APBB2: variants seen among roughly 807,000 people sequenced by gnomAD.
APBB2 encodes the protein amyloid beta precursor protein binding family B member 2.
APBB2 carries 38 observed loss-of-function variants against 82.5 expected under a neutral mutation model. The ratio of observed to expected loss-of-function variants is 0.46; its 90% confidence interval spans 0.36 to 0.60. The LOEUF is 0.60. Ranked by LOEUF, APBB2 falls within the 20% of genes least tolerant of loss-of-function variation. The pLI is 0.00. For synonymous variants in APBB2, 341 were observed against 368.2 expected (o/e 0.93, Z 0.85); for missense variants, 772 against 972.3 (o/e 0.79, Z 2.74).
chr4:40,920,194 GAGTA>G (rs1780892463), intron 10 of APBB2, among the ~76,000 whole-genome samples: 2 of 152,224 alleles, frequency 1.3e-5, no homozygotes, highest in South Asian at 2.1e-4. Context: ...TCATGATAGT[GAGTA>G]AGTTTCACGA....
At chr4:41,085,250 C>CAAA (rs71198629) in intron 3 of APBB2, among the ~76,000 whole-genome samples, 5 of 66,194 alleles carry the variant, frequency 7.6e-5, no homozygotes, top group Admixed American at 1.7e-4. Context: ...GACTCTGTCT[C>CAAA]AAAAAAAAAA....
intron 6 of APBB2, among the ~76,000 whole-genome samples, chr4:41,009,902 C>A (rs1400998060): frequency 1.3e-5 from 2 of 152,086 alleles, no homozygotes; most frequent in Non-Finnish European, 1.5e-5. Context: ...GTGAAACATA[C>A]AATGTTTAAT....
chr4:41,066,959 G>A (rs1213296320), intron 3 of APBB2, among the ~76,000 whole-genome samples: 1 of 152,186 alleles, frequency 6.6e-6, no homozygotes, highest in Non-Finnish European at 1.5e-5. Flanking sequence ...GATTAGGGCA[G>A]TAGAAGTAGG....
intron 5 of APBB2, among the ~76,000 whole-genome samples, chr4:41,020,901 A>G (rs1452183273): frequency 3.3e-5 from 5 of 152,140 alleles, no homozygotes; most frequent in Non-Finnish European, 5.9e-5. Context: ...TTGTTTTTAC[A>G]CTAACAGGTC....
intron 10 of APBB2, among the ~76,000 whole-genome samples, chr4:40,899,143 CTCAATG>C (rs1367099322): frequency 6.6e-6 from 1 of 152,224 alleles, no homozygotes; most frequent in African/African-American, 2.4e-5. Flanking sequence ...CTGTCTGTGT[CTCAATG>C]TCCTCGTTAT....
At chr4:41,005,370 G>C (rs1272291521) in intron 6 of APBB2, among the ~76,000 whole-genome samples, 1 of 152,128 alleles carries the variant, frequency 6.6e-6, no homozygotes, top group Non-Finnish European at 1.5e-5. Flanking sequence ...TTACAGGCAT[G>C]AGCCACAGCG....
chr4:40,999,894 G>C (rs1215601149), intron 6 of APBB2, among the ~76,000 whole-genome samples: 1 of 151,708 alleles, frequency 6.6e-6, no homozygotes, highest in Non-Finnish European at 1.5e-5. Context: ...ACTTATTTCT[G>C]GGGCTTAACA....
At chr4:41,048,711 C>T (rs1038442328) in intron 4 of APBB2, among the ~76,000 whole-genome samples, 9 of 151,046 alleles carry the variant, frequency 6.0e-5, no homozygotes, top group African/African-American at 1.7e-4. Flanking sequence ...CACGGTCTCC[C>T]TCTGATGCCG....
At chr4:40,971,294 C>A (rs971836228) in intron 6 of APBB2, among the ~76,000 whole-genome samples, 1 of 152,172 alleles carries the variant, frequency 6.6e-6, no homozygotes, top group Admixed American at 6.5e-5. Context: ...AACCTGAATT[C>A]TCTTATCTTT....
intron 4 of APBB2, among the ~76,000 whole-genome samples, chr4:41,060,746 C>T (rs1209842207): frequency 6.6e-6 from 1 of 152,124 alleles, no homozygotes; most frequent in Non-Finnish European, 1.5e-5. Context: ...CTCTGCTGCA[C>T]CCCATGGCAA....
At position 40,812,607 on chromosome 4, in the gene APBB2, A is replaced by ATGT. The variant is rs1424439587; in HGVS notation, c.*3482_*3484dup. 1 of 87,210 alleles carries ATGT rather than the reference A, an allele frequency of 1.1e-5. No individual in the cohort carries two copies. Among genetic ancestry groups the ATGT allele is most frequent in the Non-Finnish European group, 2.4e-5 (1 of 42,070 alleles). 5.4% of individuals were successfully genotyped at this position (87,210 alleles called of 1,614,324 possible). On this transcript the variant is annotated 3_prime_UTR_variant, in exon 18 of 18. Transcript: ENST00000508593. Reference sequence around the variant, plus strand: ...AATATCAGTTAGGAAAATGCTTGTCATGTTGTGGTGAAATCTTGAGGAGTT... The same window carrying ATGT: ...AATATCAGTTAGGAAAATGCTTGTCATGTTGTTGTGGTGAAATCTTGAGGAGTT...
At position 40,814,481 on chromosome 4, in the gene APBB2, G is replaced by A. The variant is rs1040979615; in HGVS notation, c.*1611C>T. ...TTCATGAACTTTGGTGAGATCTTAGGCCAGTGGGTTTAGCCTCTCGGTACT... is the reference window on the plus strand; with the variant it reads ...TTCATGAACTTTGGTGAGATCTTAGACCAGTGGGTTTAGCCTCTCGGTACT... On this transcript the variant is annotated 3_prime_UTR_variant, in exon 18 of 18. Coordinates refer to ENST00000508593, the MANE Select transcript of APBB2 (RefSeq NM_004307.2). 1.3e-5 allele frequency: 2 copies of A among 152,160 alleles called. No homozygotes were observed. The highest frequency in any genetic ancestry group is 4.8e-5 in the African/African-American group (2 of 41,456). 9.4% of individuals were successfully genotyped at this position (152,160 alleles called of 1,614,324 possible).
intron 10 of APBB2, among the ~76,000 whole-genome samples, chr4:40,893,625 T>C (rs1017445704): frequency 3.9e-5 from 6 of 152,196 alleles, no homozygotes; most frequent in Admixed American, 1.3e-4. Context: ...TAGTGACAAA[T>C]ATCTTTTTGC....
chr4:41,137,349 T>G (rs1031479960), intron 2 of APBB2, among the ~76,000 whole-genome samples: 1 of 152,132 alleles, frequency 6.6e-6, no homozygotes, highest in African/African-American at 2.4e-5. Context: ...GCAGAACAGG[T>G]ATAAAAATGA....
chr4:41,060,588 A>G, intron 4 of APBB2, among the ~76,000 whole-genome samples: 1 of 152,172 alleles, frequency 6.6e-6, no homozygotes, highest in East Asian at 1.9e-4. Flanking sequence ...GGAGGGAAAT[A>G]GTACTGGAGT....
At chr4:40,995,998 G>A (rs1290348263) in intron 6 of APBB2, among the ~76,000 whole-genome samples, 3 of 152,186 alleles carry the variant, frequency 2.0e-5, no homozygotes, top group African/African-American at 7.2e-5. Flanking sequence ...CCTGGTTTTA[G>A]AGCCTCTTAG....
At chr4:41,027,831 T>C (rs1022842098) in intron 5 of APBB2, among the ~76,000 whole-genome samples, 1 of 152,250 alleles carries the variant, frequency 6.6e-6, no homozygotes, top group Non-Finnish European at 1.5e-5. Context: ...GGTGGTTCTC[T>C]TGGATTCCTG....
intron 12 of APBB2, among the ~76,000 whole-genome samples, chr4:40,860,707 G>A (rs1324750803): frequency 3.3e-5 from 5 of 151,972 alleles, no homozygotes; most frequent in East Asian, 1.9e-4. Context: ...TTGTATTTTC[G>A]GCAGTAAGCA....
chr4:41,078,597 CTTCACACCTCTAGTT>C (rs1327795239), intron 3 of APBB2, among the ~76,000 whole-genome samples: 1 of 152,164 alleles, frequency 6.6e-6, no homozygotes, highest in African/African-American at 2.4e-5. Flanking sequence ...ATGCCTAAAT[CTTCACACCTCTAGTT>C]TTAGTTAACA....
Sources: gnomAD v4.1 joint callset for allele counts (sites outside exome capture counted in the v4.1 genomes callset) on GRCh38, gnomAD v4.1.1 for gene constraint, MANE v1.5 for transcripts, NCBI Gene and HGNC (gene_info 2026-07-23, HGNC 2026-07-21) for gene names.